The following PABIR3 variants were observed in gnomAD, a reference collection of about 807,000 sequenced individuals.
The protein encoded by PABIR3 is PABIR family member 1.
PABIR3 carries 20 observed loss-of-function variants against 23.1 expected under a neutral mutation model. That is an observed-to-expected ratio of 0.86 (90% CI 0.61 to 1.26). PABIR3 has a LOEUF of 1.26. Among genes scored for constraint, PABIR3 ranks in the 50% most tolerant of loss-of-function variants. The pLI is 0.00. For missense variants in PABIR3, 189 were observed against 195.4 expected (o/e 0.97, Z 0.20); for synonymous variants, 69 against 68.5 (o/e 1.01, Z -0.04).
intron 2 of PABIR3, among the ~76,000 whole-genome samples, chrX:134,811,881 A>T (rs1194194836): frequency 2.7e-5 from 3 of 112,435 alleles, no homozygotes; most frequent in African/African-American, 9.7e-5. Context: ...GGCAGAACTG[A>T]GGAGTTGCAA....
At chrX:134,855,133 T>C (rs2082741253), downstream of PABIR3, among the ~76,000 whole-genome samples, 1 of 110,334 alleles carries the variant, frequency 9.1e-6, no homozygotes, top group South Asian at 3.8e-4. Flanking sequence ...AAAAATTATG[T>C]GTTAAAAAAT....
chrX:134,841,833 A>AAAAAAT (rs1257663079), intron 4 of PABIR3, among the ~76,000 whole-genome samples: 2 of 110,569 alleles, frequency 1.8e-5, no homozygotes, highest in Non-Finnish European at 3.8e-5. Context: ...TGTCACCAAA[A>AAAAAAT]AAAAATAAAA....
chrX:134,803,994 G>T, upstream of PABIR3: 3 of 225,731 alleles, frequency 1.3e-5, no homozygotes, highest in Non-Finnish European at 2.4e-5. Flanking sequence ...ACTTGTATTT[G>T]ACTTGCTCTT....
chrX:134,849,118 A>ATT (rs746248643), intron 8 of PABIR3, 49 bp from the exon 9 acceptor site: 1 of 677,680 alleles, frequency 1.5e-6, no homozygotes, highest in South Asian at 5.2e-5. Flanking sequence ...GTCATTGTTG[A>ATT]TTTTGTTAAA....
At chrX:134,810,796 T>C (rs1486743018) in intron 2 of PABIR3, 2 of 751,060 alleles carry the variant, frequency 2.7e-6, no homozygotes, top group Non-Finnish European at 3.1e-6. Flanking sequence ...TGAAAGTCAC[T>C]AGCATATTTC....
the PABIR3 span, among the ~76,000 whole-genome samples, chrX:134,863,717 A>G: frequency 9.0e-6 from 1 of 111,558 alleles, no homozygotes. Flanking sequence ...GCATGTTCTC[A>G]GCTCTCCTGC....
intron 3 of PABIR3, chrX:134,822,449 A>G: frequency 1.3e-6 from 1 of 750,910 alleles, no homozygotes; most frequent in Non-Finnish European, 1.6e-6. Flanking sequence ...CTTGTAGCTT[A>G]TGATTCTGTA....
intron 4 of PABIR3, among the ~76,000 whole-genome samples, chrX:134,843,168 T>C (rs1178055661): frequency 9.1e-6 from 1 of 109,802 alleles, no homozygotes; most frequent in African/African-American, 3.3e-5. Context: ...CATTGCACTC[T>C]AGCCTGGCCA....
At position 134,845,399 on chromosome X, in the gene PABIR3, C is replaced by T. The variant is rs746603919; in HGVS notation, c.343C>T (p.Leu115=). The part of the protein sequence containing the change: ...ISHSWEEGLK[L]NDNGLQKSSS... Reference sequence around the variant, plus strand: ...TCACTCTTGGGAAGAAGGCTTGAAACTGGTATGATATTATAACTTCAGTTT... The same window carrying T: ...TCACTCTTGGGAAGAAGGCTTGAAATTGGTATGATATTATAACTTCAGTTT... Residue 115 remains leucine, a splice_region_variant and synonymous_variant, in exon 6 of 11, where the codon CTG becomes TTG. Transcript: ENST00000645433. The T allele has an allele frequency of 1.7e-6, 2 of 1,195,840 alleles. No individual in the cohort carries two copies. The highest frequency in any genetic ancestry group is 3.7e-5 in the South Asian group (2 of 54,410).
chrX:134,843,749 A>T (rs1283574524), intron 4 of PABIR3, among the ~76,000 whole-genome samples: 3 of 106,240 alleles, frequency 2.8e-5, no homozygotes, highest in African/African-American at 1.0e-4. Context: ...TTGTACTTTT[A>T]GTAGAGACGG....
chrX:134,841,228 G>T (rs1003586467), intron 4 of PABIR3, among the ~76,000 whole-genome samples: 6 of 110,751 alleles, frequency 5.4e-5, no homozygotes, highest in Non-Finnish European at 7.5e-5. Context: ...TTCCCAAAGT[G>T]CTGGGATTAC....
intron 8 of PABIR3, among the ~76,000 whole-genome samples, chrX:134,848,738 A>G (rs768493132): frequency 8.9e-6 from 1 of 112,134 alleles, no homozygotes; most frequent in South Asian, 3.7e-4. Context: ...ATGGTGGCTC[A>G]CACCTGTAAT....
chrX:134,814,749 A>G, intron 2 of PABIR3, 22 bp from the exon 3 acceptor site: 1 of 1,082,719 alleles, frequency 9.2e-7, no homozygotes, highest in South Asian at 2.0e-5. Context: ...TATATAACAC[A>G]TGTTTTTGTT....
intron 2 of PABIR3, among the ~76,000 whole-genome samples, chrX:134,813,780 G>T (rs1027647613): frequency 3.6e-5 from 4 of 110,640 alleles, no homozygotes; most frequent in African/African-American, 1.3e-4. Flanking sequence ...ATGAAATGAT[G>T]ATTTCTTCAG....
At chrX:134,825,998 T>G (rs2081489020) in intron 3 of PABIR3, among the ~76,000 whole-genome samples, 1 of 109,842 alleles carries the variant, frequency 9.1e-6, no homozygotes, top group Non-Finnish European at 1.9e-5. Flanking sequence ...ACCCATTCTC[T>G]GGATAGCAAT....
Position 134,828,045 on chromosome X carries a change from CTCTA to C in PABIR3, c.190-1179_190-1176del, listed in dbSNP as rs1289518588. Among the ~76,000 whole-genome samples the C allele has an allele frequency of 9.8e-3, 578 of 59,169 alleles. 5 individuals carry two copies. The highest frequency in any genetic ancestry group is 0.032 in the African/African-American group (492 of 15,311). The allele number at this position is 59,169 out of a possible 115,157, so 51.4% of individuals were successfully genotyped here. ...TCTCTCTCTCTCTCTCTCTCTCTCT[CTCTA>C]TATATATATATATATATATATGTAT... On this transcript the variant is annotated intron_variant, in intron 3 of 10. Coordinates refer to ENST00000645433, the MANE Select transcript of PABIR3 (RefSeq NM_001388447.1).
At chrX:134,829,083 TAAC>T in intron 3 of PABIR3, 140 bp from the exon 4 acceptor site, 2 of 479,185 alleles carry the variant, frequency 4.2e-6, no homozygotes, top group Admixed American at 3.3e-5. Flanking sequence ...GATCTTTTTT[TAAC>T]TTTGAACCTA....
upstream of PABIR3, among the ~76,000 whole-genome samples, chrX:134,803,245 T>A (rs2080111118): frequency 8.9e-6 from 1 of 111,787 alleles, no homozygotes; most frequent in Non-Finnish European, 1.9e-5. Context: ...TGGAAACAAG[T>A]CATGCTGCTG....
At chrX:134,844,858 G>A (rs1365785123) in intron 4 of PABIR3, among the ~76,000 whole-genome samples, 1 of 111,925 alleles carries the variant, frequency 8.9e-6, no homozygotes, top group Admixed American at 9.6e-5. Context: ...TAGCTATTGT[G>A]GACTAGTTTC....
Sources: allele counts gnomAD v4.1 joint callset (sites outside exome capture counted in the v4.1 genomes callset), GRCh38; gene constraint gnomAD v4.1.1; transcripts MANE v1.5; gene names NCBI Gene and HGNC (gene_info 2026-07-23, HGNC 2026-07-21).